PTPRD: variants seen among roughly 807,000 people sequenced by gnomAD.
PTPRD encodes receptor-type tyrosine-protein phosphatase delta.
Under a neutral mutation model 214.5 loss-of-function variants are expected in PTPRD, and 34 were observed. That is an observed-to-expected ratio of 0.16 (90% confidence interval 0.12 to 0.21). The LOEUF is 0.21. Among genes scored for constraint, PTPRD ranks in the 10% least tolerant of loss-of-function variants. PTPRD has a pLI of 1.00. For missense variants in PTPRD, 2,545 were observed against 2,398.7 expected, an observed-to-expected ratio of 1.06 and a Z score of -1.27; for synonymous variants, 1,128 against 845.7, an observed-to-expected ratio of 1.33 and a Z score of -5.79.
chr9:9,145,333 A>G (rs1333582581), intron 10 of PTPRD, among the ~76,000 whole-genome samples: 2 of 152,204 alleles, frequency 1.3e-5, no homozygotes, highest in African/African-American at 4.8e-5. Flanking sequence ...TTAAGCTGCC[A>G]TCAAAAAATT....
In PTPRD at chr9:9,267,990, C is replaced by T. The variant is rs557492925; in HGVS notation, c.-202-84627G>A. On this transcript the variant is annotated intron_variant, in intron 9 of 45. Transcript: ENST00000381196. ...AACAAGACAAGGATGTCCACTCTCGCCACTTCTATTCAACATAAAACTGGA... is the reference window on the plus strand; with the variant it reads ...AACAAGACAAGGATGTCCACTCTCGTCACTTCTATTCAACATAAAACTGGA... 2.0e-5 allele frequency among the ~76,000 whole-genome samples: 3 copies of T among 151,092 alleles called. No individual in the cohort carries two copies. The South Asian group carries it at 6.2e-4, about 31-fold the overall frequency.
intron 9 of PTPRD, among the ~76,000 whole-genome samples, chr9:9,223,939 C>G (rs2099957788): frequency 1.3e-5 from 2 of 151,920 alleles, no homozygotes; most frequent in South Asian, 4.1e-4. Flanking sequence ...ATTTTGAATT[C>G]AGAAGACCAT....
intron 5 of PTPRD, among the ~76,000 whole-genome samples, 200 bp downstream of exon 5, chr9:9,938,307 G>A (rs2090278710): frequency 6.6e-6 from 1 of 152,116 alleles, no homozygotes; most frequent in Non-Finnish European, 1.5e-5. Flanking sequence ...TTGAAATTAG[G>A]TGGATTAAAA....
intron 3 of PTPRD, among the ~76,000 whole-genome samples, chr9:10,195,248 A>G (rs1162318544): frequency 6.6e-6 from 1 of 152,044 alleles, no homozygotes; most frequent in Non-Finnish European, 1.5e-5. Flanking sequence ...GAGCCTTAAC[A>G]TCTCTATGTC....
At chr9:8,862,119 G>T (rs2098117473) in intron 11 of PTPRD, 1 of 152,274 alleles carries the variant, frequency 6.6e-6, no homozygotes, top group African/African-American at 2.4e-5. Context: ...CACTTTTGGA[G>T]GCCAAGGCAG....
chr9:9,574,813 T>TG (rs2087843405), intron 7 of PTPRD, 32 bp from the exon 8 acceptor site: 1 of 152,124 alleles, frequency 6.6e-6, no homozygotes, highest in African/African-American at 2.4e-5. Flanking sequence ...CATTCTTTAT[T>TG]AGTACTAGTG....
chr9:9,550,121 T>C (rs955100167), intron 8 of PTPRD, among the ~76,000 whole-genome samples: 1 of 151,962 alleles, frequency 6.6e-6, no homozygotes, highest in Non-Finnish European at 1.5e-5. Flanking sequence ...ATGAATGGAA[T>C]TCATCTTATC....
intron 9 of PTPRD, among the ~76,000 whole-genome samples, chr9:9,392,578 C>A (rs2066249195): frequency 6.6e-6 from 1 of 152,076 alleles, no homozygotes; most frequent in South Asian, 2.1e-4. Flanking sequence ...TGTAAATTTT[C>A]AGTTTTGCTA....
At chr9:8,519,572 T>A (rs77272021) in intron 20 of PTPRD, among the ~76,000 whole-genome samples, 9,353 of 152,172 alleles carry the variant, frequency 0.061, 770 homozygotes, top group African/African-American at 0.19. Flanking sequence ...TGGCAGCTTT[T>A]CAAGAGCAGC....
intron 35 of PTPRD, among the ~76,000 whole-genome samples, chr9:8,407,479 C>T (rs1564595544): frequency 6.6e-6 from 1 of 152,070 alleles, no homozygotes; most frequent in Non-Finnish European, 1.5e-5. Flanking sequence ...TGTGTGATTC[C>T]AAAGCTCAAC....
chr9:8,504,494 A>G, intron 22 of PTPRD, 89 bp from the exon 23 acceptor site: 1 of 1,425,578 alleles, frequency 7.0e-7, no homozygotes, highest in Admixed American at 1.8e-5. Flanking sequence ...GATTTCTATC[A>G]TCAGGATTAT....
chr9:9,020,049 G>C (rs1008042412), intron 10 of PTPRD, among the ~76,000 whole-genome samples: 6 of 152,140 alleles, frequency 3.9e-5, no homozygotes, highest in African/African-American at 1.4e-4. Context: ...CATGGGAGGA[G>C]AAGAGAAGAG....
intron 4 of PTPRD, among the ~76,000 whole-genome samples, chr9:9,946,045 G>T (rs200947590): frequency 2.3e-5 from 1 of 44,006 alleles, no homozygotes; most frequent in Non-Finnish European, 3.4e-5. Context: ...AAGCCTTTTG[G>T]ATCCTTTCCC....
chr9:9,430,391 C>G (rs368636135), intron 8 of PTPRD, among the ~76,000 whole-genome samples: 21 of 151,016 alleles, frequency 1.4e-4, no homozygotes, highest in Admixed American at 4.0e-4. Flanking sequence ...CACTGCTCAA[C>G]AAATTAAAAG....
chr9:10,612,243 A>G (rs1210649371), intron 2 of PTPRD, among the ~76,000 whole-genome samples, 155 bp downstream of exon 2: 3 of 151,180 alleles, frequency 2.0e-5, no homozygotes, highest in Non-Finnish European at 4.4e-5. Flanking sequence ...TGCTTAGCGA[A>G]CCACTTCTCA....
At chr9:8,421,843 T>TC (rs1449319632) in intron 35 of PTPRD, among the ~76,000 whole-genome samples, 1 of 150,118 alleles carries the variant, frequency 6.7e-6, no homozygotes, top group Non-Finnish European at 1.5e-5. Flanking sequence ...TCACTGAACT[T>TC]TTTTTTTTTA....
rs749120011 is a variant in PTPRD, at chr9:8,955,628, TA to T, written c.-104+63068del. ...TTTCTGTTTTTTATTTTTTATTTTT[TA>T]TTTTTTTATTATTATCTTCCATAGA... On this transcript the variant is annotated intron_variant, in intron 11 of 45. Coordinates refer to ENST00000381196, the MANE Select transcript of PTPRD (RefSeq NM_002839.4). Among the ~76,000 whole-genome samples, 59 of 151,906 alleles carry T rather than the reference TA, an allele frequency of 3.9e-4. 1 individual carries two copies. Among genetic ancestry groups the T allele is most frequent in the Non-Finnish European group, 3.5e-4 (24 of 67,870 alleles).
At chr9:8,617,898 A>G (rs1281102119) in intron 14 of PTPRD, among the ~76,000 whole-genome samples, 1 of 152,164 alleles carries the variant, frequency 6.6e-6, no homozygotes, top group Admixed American at 6.6e-5. Context: ...AACTAACTAG[A>G]GAACTAAAGA....
intron 7 of PTPRD, among the ~76,000 whole-genome samples, chr9:9,702,415 G>A (rs554467458): frequency 1.3e-5 from 2 of 152,080 alleles, no homozygotes; most frequent in South Asian, 2.1e-4. Flanking sequence ...GCTTTTTCTG[G>A]GTCAGATGTT....
Sources: allele counts gnomAD v4.1 joint callset (sites outside exome capture counted in the v4.1 genomes callset), GRCh38; gene constraint gnomAD v4.1.1; transcripts MANE v1.5; gene names NCBI Gene and HGNC (gene_info 2026-07-23, HGNC 2026-07-21).